The following TOGARAM2 variants were observed in gnomAD, a reference collection of about 807,000 sequenced individuals.
TOGARAM2 encodes the protein TOG array regulator of axonemal microtubules protein 2.
A neutral mutation model predicts 93.3 loss-of-function variants in TOGARAM2; 85 were observed. The ratio of observed to expected loss-of-function variants is 0.91; its 90% CI spans 0.76 to 1.09. The LOEUF (loss-of-function observed/expected upper bound fraction) is 1.09. TOGARAM2 is among the 50% of genes least tolerant of loss of function. The pLI is 0.00. For missense variants in TOGARAM2, 1,277 were observed against 1,334.5 expected, an observed-to-expected ratio of 0.96 and a Z score of 0.67; for synonymous variants, 593 against 552.8, an observed-to-expected ratio of 1.07 and a Z score of -1.02.
chr2:29,033,188 G>A (rs1665878338), intron 15 of TOGARAM2, 137 bp downstream of exon 15: 4 of 737,822 alleles, frequency 5.4e-6, no homozygotes, highest in African/African-American at 1.8e-5. Flanking sequence ...CTCCTGATAG[G>A]TGAGATAGAT....
At chr2:29,042,389 A>G (rs1263808135) in intron 18 of TOGARAM2, among the ~76,000 whole-genome samples, 2 of 152,126 alleles carry the variant, frequency 1.3e-5, no homozygotes, top group Non-Finnish European at 2.9e-5. Context: ...GTGTTCCCCA[A>G]ATTCACTTCT....
chr2:29,020,801 T>C (rs576733227), intron 10 of TOGARAM2, among the ~76,000 whole-genome samples: 5 of 152,358 alleles, frequency 3.3e-5, no homozygotes, highest in African/African-American at 1.2e-4. Flanking sequence ...TATTACCTCC[T>C]GCCTTTCAGA....
intron 6 of TOGARAM2, among the ~76,000 whole-genome samples, chr2:29,007,764 A>G (rs745520769): frequency 1.3e-5 from 2 of 152,094 alleles, no homozygotes; most frequent in Non-Finnish European, 2.9e-5. Flanking sequence ...CATCCAGCCC[A>G]CGACCCCACA....
intron 1 of TOGARAM2, among the ~76,000 whole-genome samples, chr2:28,960,415 C>T (rs1042501927): frequency 6.6e-5 from 10 of 152,116 alleles, no homozygotes; most frequent in African/African-American, 1.7e-4. Flanking sequence ...CTTGCTCACT[C>T]TGTCACCCAG....
chr2:29,017,186 G>A lies in TOGARAM2; in HGVS notation c.1077G>A (p.Glu359=). ...TCACCATCTCCAAGTCTGCCCGGGA[G>A]AAGATGCAGCTGAAGCAGATGAAGG... ...IQVTISKSAR[E]KMQLKQMKEM... Residue 359 remains glutamate (E), a synonymous_variant, in exon 9 of 20, where the codon GAG becomes GAA. Transcript: ENST00000379558. 3.7e-6 allele frequency: 6 copies of A among 1,613,918 alleles called. No homozygotes were observed. Among genetic ancestry groups the A allele is most frequent in the Non-Finnish European group, 5.1e-6 (6 of 1,179,820 alleles).
intron 18 of TOGARAM2, among the ~76,000 whole-genome samples, chr2:29,041,459 C>T (rs1331780501): frequency 2.0e-5 from 3 of 152,204 alleles, no homozygotes; most frequent in Non-Finnish European, 1.5e-5. Context: ...GTAAAACCAG[C>T]GCGTCATAAC....
rs372665364 is a variant in TOGARAM2, at chr2:29,026,816, T to G, written c.1854-37T>G. On this transcript the variant is annotated intron_variant, in intron 13 of 19. Coordinates refer to ENST00000379558, the MANE Select transcript of TOGARAM2 (RefSeq NM_199280.4). Reference sequence around the variant, plus strand: ...CAGCCTGGGGACTCCCACACCACTATCCTGAGACTGACCCCTGGGCCATGA... The same window carrying G: ...CAGCCTGGGGACTCCCACACCACTAGCCTGAGACTGACCCCTGGGCCATGA... The G allele has an allele frequency of 3.2e-6, 5 of 1,538,590 alleles. No homozygotes were observed. In the African/African-American group the frequency reaches 6.9e-5, roughly 21 times the overall value.
At position 29,045,570 on chromosome 2, in the gene TOGARAM2, A is replaced by T. The variant is rs117606674; in HGVS notation, c.2722+160A>T. On this transcript the variant is annotated intron_variant, in intron 19 of 19. Transcript: ENST00000379558. ...GCTTTTTTTGTGTGTGACAATCTCCATATTGCCAGAAGACAATCTTTGTTT... is the reference window on the plus strand; with the variant it reads ...GCTTTTTTTGTGTGTGACAATCTCCTTATTGCCAGAAGACAATCTTTGTTT... 3,754 of 659,258 alleles carry T rather than the reference A, an allele frequency of 5.7e-3. 173 individuals carry two copies. In the East Asian group the frequency reaches 0.091, roughly 16 times the overall value. 40.8% of individuals were successfully genotyped at this position (659,258 alleles called of 1,614,324 possible). A position where few individuals can be genotyped will look rare whatever the true frequency, so the allele number is the denominator to read the frequency against.
chr2:28,976,865 C>T (rs1672045927), upstream of TOGARAM2, among the ~76,000 whole-genome samples: 1 of 152,218 alleles, frequency 6.6e-6, no homozygotes, highest in East Asian at 1.9e-4. Flanking sequence ...TGAGCACCCC[C>T]ACCCAGCCTG....
At chr2:29,000,346 C>G (rs1673221067) in intron 4 of TOGARAM2, among the ~76,000 whole-genome samples, 1 of 152,124 alleles carries the variant, frequency 6.6e-6, no homozygotes. Context: ...AGCCCCGATA[C>G]TCACTGGCTC....
intron 1 of TOGARAM2, among the ~76,000 whole-genome samples, chr2:28,969,206 A>C (rs1347994843): frequency 6.6e-6 from 1 of 152,232 alleles, no homozygotes. Flanking sequence ...CAAGGTTTGC[A>C]GTGCAGGCCA....
At chr2:28,992,733 C>T (rs1335841057) in intron 1 of TOGARAM2, among the ~76,000 whole-genome samples, 2 of 152,094 alleles carry the variant, frequency 1.3e-5, no homozygotes, top group Non-Finnish European at 2.9e-5. Flanking sequence ...GAACTACAGA[C>T]CAGTGATTTT....
intron 16 of TOGARAM2, among the ~76,000 whole-genome samples, chr2:29,034,993 T>C (rs1256810577): frequency 6.6e-6 from 1 of 151,710 alleles, no homozygotes; most frequent in Non-Finnish European, 1.5e-5. Flanking sequence ...CTACTAAACA[T>C]ACAAAAATTA....
intron 1 of TOGARAM2, among the ~76,000 whole-genome samples, chr2:28,966,510 A>C (rs982143979): frequency 1.3e-5 from 2 of 151,590 alleles, no homozygotes; most frequent in African/African-American, 4.8e-5. Flanking sequence ...GTTGGCCAGG[A>C]TGGTCTTGAT....
intron 4 of TOGARAM2, among the ~76,000 whole-genome samples, chr2:28,999,771 A>G (rs1267259581): frequency 1.3e-5 from 2 of 152,206 alleles, no homozygotes; most frequent in Admixed American, 6.5e-5. Context: ...ACTATGCTCA[A>G]AATCAGCCAG....
rs371310939 is a variant in TOGARAM2 at position 29,027,029 on chromosome 2, G to A, written c.2012+18G>A. The A allele has an allele frequency of 2.0e-4, 310 of 1,540,876 alleles. 1 individual carries two copies. The African/African-American group carries it at 3.7e-3, about 18-fold the overall frequency. On this transcript the variant is annotated intron_variant, in intron 14 of 19. Coordinates refer to ENST00000379558, the MANE Select transcript of TOGARAM2 (RefSeq NM_199280.4). ...GACACCAGGTAGGGCAGGGCCAGGG[G>A]CCTGGGGGCAGAGAAGGCAACCAAC...
chr2:29,023,645 G>T (rs1279756492), intron 12 of TOGARAM2, among the ~76,000 whole-genome samples: 1 of 152,180 alleles, frequency 6.6e-6, no homozygotes, highest in African/African-American at 2.4e-5. Flanking sequence ...CTCCAGTGGG[G>T]GTGGGGTGGG....
intron 1 of TOGARAM2, among the ~76,000 whole-genome samples, chr2:28,982,032 C>A (rs4483996): frequency 0.16 from 25,059 of 152,124 alleles, 2,203 homozygotes; most frequent in South Asian, 0.24. Context: ...TTCTAACCCC[C>A]CCTCTTTCTG....
chr2:29,041,007 G>A (rs1666400992), intron 18 of TOGARAM2, among the ~76,000 whole-genome samples: 1 of 149,266 alleles, frequency 6.7e-6, no homozygotes, highest in Non-Finnish European at 1.5e-5. Context: ...ATTTGCAGAT[G>A]ATTATACTCT....
Sources: gnomAD v4.1 joint callset for allele counts (sites outside exome capture counted in the v4.1 genomes callset) on GRCh38, gnomAD v4.1.1 for gene constraint, MANE v1.5 for transcripts, NCBI Gene and HGNC (gene_info 2026-07-23, HGNC 2026-07-21) for gene names.